The following CRTAC1 variants were observed in gnomAD, a reference collection of about 807,000 sequenced individuals.
CRTAC1 encodes cartilage acidic protein 1, also known as acidic secreted protein in cartilage.
CRTAC1 carries 37 observed loss-of-function variants against 67.8 expected under a neutral mutation model. The ratio of observed to expected loss-of-function variants is 0.55; its 90% CI spans 0.42 to 0.72. CRTAC1 has a LOEUF of 0.72. Ranked by LOEUF, CRTAC1 falls within the 30% of genes least tolerant of loss-of-function variation. The probability of loss-of-function intolerance (pLI) is 0.00; values close to 1 mark genes in which losing one functional copy is unlikely to be tolerated. For synonymous variants in CRTAC1, 348 were observed against 371.0 expected, an observed-to-expected ratio of 0.94 and a Z score of 0.71; for missense variants, 780 against 931.6, an observed-to-expected ratio of 0.84 and a Z score of 2.12.
At chr10:97,911,166 C>T (rs1049328714) in intron 5 of CRTAC1, among the ~76,000 whole-genome samples, 15 of 152,202 alleles carry the variant, frequency 9.9e-5, no homozygotes, top group African/African-American at 3.6e-4. Flanking sequence ...TGCCCGGGCC[C>T]CTGGAAATTC....
chr10:97,995,414 G>A (rs567713353), intron 2 of CRTAC1, among the ~76,000 whole-genome samples: 2 of 152,240 alleles, frequency 1.3e-5, no homozygotes, highest in East Asian at 3.9e-4. Flanking sequence ...AAGCTAAGGG[G>A]AAGGACCTCT....
intron 12 of CRTAC1, among the ~76,000 whole-genome samples, chr10:97,883,368 G>C (rs1353777109): frequency 6.6e-5 from 10 of 152,228 alleles, no homozygotes; most frequent in Admixed American, 6.5e-4. Context: ...TAAGAGTTGG[G>C]AGCCGGCCCT....
chr10:97,904,853 C>T lies in CRTAC1; in HGVS notation c.851-39G>A, dbSNP rs766992069. The T allele has an allele frequency of 3.2e-6, 5 of 1,557,788 alleles. No individual in the cohort carries two copies. In the South Asian group the frequency reaches 6.0e-5, roughly 19 times the overall value. On this transcript the variant is annotated intron_variant, in intron 6 of 14. Coordinates refer to ENST00000370597, the MANE Select transcript of CRTAC1 (RefSeq NM_018058.7). ...GCAGGAACTCTCAGGGCGGCATCCC[C>T]TGCACACTCCACAAACACTCACCCT...
chr10:97,944,541 G>A (rs1349096591), intron 2 of CRTAC1, among the ~76,000 whole-genome samples: 2 of 152,212 alleles, frequency 1.3e-5, no homozygotes, highest in African/African-American at 4.8e-5. Flanking sequence ...CTCTAAGTGA[G>A]GGGGTAAAAA....
At chr10:98,000,118 T>C (rs964692671) in intron 2 of CRTAC1, among the ~76,000 whole-genome samples, 1 of 152,206 alleles carries the variant, frequency 6.6e-6, no homozygotes, top group Non-Finnish European at 1.5e-5. Flanking sequence ...CATTCACTTG[T>C]CTGACTACCT....
chr10:97,895,400 T>C lies in CRTAC1; in HGVS notation c.1331A>G (p.Asn444Ser). 6.2e-7 allele frequency: 1 copy of C among 1,605,158 alleles called. No individual in the cohort carries two copies. The highest frequency in any genetic ancestry group is 8.5e-7 in the Non-Finnish European group (1 of 1,176,182). Residue 444 changes from asparagine to serine, a missense_variant, in exon 11 of 15, where the codon AAC becomes AGC. Coordinates refer to ENST00000370597, the MANE Select transcript of CRTAC1 (RefSeq NM_018058.7). The surrounding 1 kb of genome is among the most constrained non-coding windows in gnomAD (Gnocchi z 4.2). Reference sequence around the variant, plus strand: ...GGTGCGTGGCACCACTCGCAGCCAGTTGTTGTTGAAGCCCTGCAGAGAGGG... The same window carrying C: ...GGTGCGTGGCACCACTCGCAGCCAGCTGTTGTTGAAGCCCTGCAGAGAGGG... ...VFRGNQGFNN[N>S]WLRVVPRTRF... is the part of the protein sequence containing the mutation.
chr10:97,890,533 G>A lies in CRTAC1; in HGVS notation c.1486+4712C>T, dbSNP rs546601696. On this transcript the variant is annotated intron_variant, in intron 11 of 14. Coordinates refer to ENST00000370597, the MANE Select transcript of CRTAC1 (RefSeq NM_018058.7). ...AAGTGTGTTCCTGTGTATATGACAC[G>A]TAATAAAGGCATATCACAAGCATGA... 1.7e-3 allele frequency among the ~76,000 whole-genome samples: 262 copies of A among 152,286 alleles called. 1 individual carries two copies. Among genetic ancestry groups the A allele is most frequent in the African/African-American group, 5.7e-3 (235 of 41,546 alleles).
chr10:97,934,513 C>T (rs576305055), intron 3 of CRTAC1, among the ~76,000 whole-genome samples: 2 of 152,296 alleles, frequency 1.3e-5, no homozygotes, highest in South Asian at 2.1e-4. Flanking sequence ...CTTCCCCTCC[C>T]GTTTATGCAA....
chr10:97,936,565 C>G (rs1020440264), intron 2 of CRTAC1, among the ~76,000 whole-genome samples, 199 bp from the exon 3 acceptor site: 1 of 152,172 alleles, frequency 6.6e-6, no homozygotes, highest in Admixed American at 6.5e-5. Flanking sequence ...AGATTTTGCG[C>G]CCGGGCGCAG....
chr10:97,925,541 G>A (rs988063334), intron 3 of CRTAC1, among the ~76,000 whole-genome samples: 20 of 150,772 alleles, frequency 1.3e-4, no homozygotes, highest in African/African-American at 4.9e-4. Context: ...GAAGGAGTCA[G>A]AGTGAGTGTT....
rs114952153 is a variant in CRTAC1 at position 97,901,481 on chromosome 10, C to T, written c.1133+22G>A. The T allele has an allele frequency of 4.5e-4, 723 of 1,614,030 alleles. 4 individuals are homozygous for T. In the African/African-American group the frequency reaches 8.9e-3, roughly 20 times the overall value. ...ACCAGCTGTCAAGGATGAAGAGCCACGAGCCAGGATGGAGCATCTACCGGA... is the reference window on the plus strand; with the variant it reads ...ACCAGCTGTCAAGGATGAAGAGCCATGAGCCAGGATGGAGCATCTACCGGA... On this transcript the variant is annotated intron_variant, in intron 8 of 14. Transcript: ENST00000370597.
intron 2 of CRTAC1, among the ~76,000 whole-genome samples, chr10:97,947,832 C>G (rs972107780): frequency 6.6e-6 from 1 of 151,808 alleles, no homozygotes; most frequent in Admixed American, 6.6e-5. Flanking sequence ...TTGGGAGGAT[C>G]GCTTGAGACT....
rs184032060 is a variant in CRTAC1, at chr10:98,010,707, A to C, written c.224+431T>G. 1.6e-3 allele frequency among the ~76,000 whole-genome samples: 238 copies of C among 152,286 alleles called. 2 individuals carry two copies. The highest frequency in any genetic ancestry group is 5.2e-3 in the African/African-American group (215 of 41,550). ...TTAATGTTTTCTTAGTCTTATGTAA[A>C]GTGCTGTGCAAAGGCAGCTTTGAGC... On this transcript the variant is annotated intron_variant, in intron 2 of 14. Transcript: ENST00000370597.
chr10:97,908,671 T>C (rs947415121), intron 5 of CRTAC1, among the ~76,000 whole-genome samples: 2 of 152,172 alleles, frequency 1.3e-5, no homozygotes, highest in Admixed American at 6.5e-5. Flanking sequence ...CATCCATCAA[T>C]AGTGAATGGG....
At position 97,895,650 on chromosome 10, in the gene CRTAC1, G is replaced by T. The variant is rs1029477301; in HGVS notation, c.1317+235C>A. Among the ~76,000 whole-genome samples the T allele has an allele frequency of 1.3e-5, 2 of 152,212 alleles. No individual in the cohort carries two copies. The highest frequency in any genetic ancestry group is 2.9e-5 in the Non-Finnish European group (2 of 68,038). ...GGAGACAAAAGCCGAGGGACTCAGG[G>T]CACAGTGTTTGGCAGATAAATGATA... On this transcript the variant is annotated intron_variant, in intron 10 of 14. Coordinates refer to ENST00000370597, the MANE Select transcript of CRTAC1 (RefSeq NM_018058.7). The surrounding 1 kb of genome is among the most constrained non-coding windows in gnomAD (Gnocchi z 4.2).
At chr10:97,924,055 T>C (rs1391017899) in intron 3 of CRTAC1, among the ~76,000 whole-genome samples, 2 of 151,998 alleles carry the variant, frequency 1.3e-5, no homozygotes, top group African/African-American at 4.8e-5. Context: ...CCTTTGAGAA[T>C]TGGAGGGAGG....
intron 14 of CRTAC1, chr10:97,879,492 C>T (rs2050183592): frequency 1.7e-6 from 1 of 591,082 alleles, no homozygotes; most frequent in African/African-American, 1.9e-5. Context: ...AGAAAGTCTT[C>T]ACAAACAACT....
chr10:97,907,888 C>T (rs1364553224), intron 6 of CRTAC1, 125 bp downstream of exon 6: 16 of 1,014,030 alleles, frequency 1.6e-5, no homozygotes, highest in African/African-American at 6.4e-5. Flanking sequence ...GTGGTGCAGA[C>T]GATGACTTGC....
rs201805728 is a variant in CRTAC1 at position 97,871,832 on chromosome 10, G to A, written c.1820-6118C>T. On this transcript the variant is annotated intron_variant, in intron 14 of 14. Transcript: ENST00000370597. ...CAGATTCCAGACCAGAGAGAAACTC[G>A]TGGGCAAATGCATCCCCAGAAAAAT... Among the ~76,000 whole-genome samples, 7 of 152,326 alleles carry A rather than the reference G, an allele frequency of 4.6e-5. No individual in the cohort carries two copies. The East Asian group carries it at 1.3e-3, about 29-fold the overall frequency.
Sources: gnomAD v4.1 joint callset for allele counts (sites outside exome capture counted in the v4.1 genomes callset) on GRCh38, gnomAD v4.1.1 for gene constraint, Gnocchi (gnomAD v3.1) non-coding constraint, MANE v1.5 for transcripts, NCBI Gene and HGNC (gene_info 2026-07-23, HGNC 2026-07-21) for gene names.